The following GPR132 variants were observed in gnomAD, a reference collection of about 807,000 sequenced individuals.
GPR132 encodes the protein G protein-coupled receptor 132, also known as probable G protein-coupled receptor 132.
Under a neutral mutation model 1.9 loss-of-function variants are expected in GPR132, and 4 were observed. The observed-to-expected ratio is 2.13, with a 90% CI of 1.05 to 4.87. GPR132 has a LOEUF of 4.87. Ranked by LOEUF, GPR132 falls within the 30% of genes most tolerant of loss-of-function variation. GPR132 has a pLI of 0.01. For missense variants in GPR132, 404 were observed against 512.5 expected (o/e 0.79, Z 2.04); for synonymous variants, 233 against 234.2 (o/e 0.99, Z 0.05).
chr14:105,054,174 C>T lies in GPR132; in HGVS notation c.34+1213G>A, dbSNP rs148010697. 2.3e-5 allele frequency: 29 copies of T among 1,257,194 alleles called. No individual in the cohort carries two copies. The South Asian group carries it at 2.7e-4, about 12-fold the overall frequency. The allele number at this position is 1,257,194 out of a possible 1,614,324, so 77.9% of individuals were successfully genotyped here. ...AGACCTGGCCTCAGCACCTGACGGA[C>T]GGACAGAGCGTTGCCAAACTTATTG... On this transcript the variant is annotated intron_variant, in intron 3 of 3. Coordinates refer to ENST00000329797, the MANE Select transcript of GPR132 (RefSeq NM_013345.4).
intron 1 of GPR132, among the ~76,000 whole-genome samples, chr14:105,061,506 C>T (rs761918392): frequency 2.0e-5 from 3 of 152,194 alleles, no homozygotes; most frequent in African/African-American, 4.8e-5. Flanking sequence ...TGGCCCCACC[C>T]GCCAGCTGCA....
At position 105,057,150 on chromosome 14, in the gene GPR132, G is replaced by A. The variant is rs545057286; in HGVS notation, c.-747+17C>T. On this transcript the variant is annotated intron_variant, in intron 2 of 3. Coordinates refer to ENST00000329797, the MANE Select transcript of GPR132 (RefSeq NM_013345.4). Reference sequence around the variant, plus strand: ...GGCTTCCTCTTACATGTTCAAAGTCGGAGAAGGCTCTCTCACCTGGCATAT... The same window carrying A: ...GGCTTCCTCTTACATGTTCAAAGTCAGAGAAGGCTCTCTCACCTGGCATAT... The A allele has an allele frequency of 1.4e-5, 21 of 1,529,702 alleles. No individual in the cohort carries two copies. The highest frequency in any genetic ancestry group is 5.9e-5 in the Admixed American group (3 of 50,962). The allele number at this position is 1,529,702 out of a possible 1,614,324, so 94.8% of individuals were successfully genotyped here.
chr14:105,055,335 A>G lies in GPR132; in HGVS notation c.34+52T>C, dbSNP rs1243082077. 9 of 780,596 alleles carry G rather than the reference A, an allele frequency of 1.2e-5. No homozygotes were observed. Among genetic ancestry groups the G allele is most frequent in the East Asian group, 4.8e-5 (2 of 41,266 alleles). 48.4% of individuals were successfully genotyped at this position (780,596 alleles called of 1,614,324 possible). Reference sequence around the variant, plus strand: ...GAGTGAGACTCAATCGCAAGAAAAAAAAATTGAAAAAGTGGAAAATTGTGG... The same window carrying G: ...GAGTGAGACTCAATCGCAAGAAAAAGAAATTGAAAAAGTGGAAAATTGTGG... On this transcript the variant is annotated intron_variant, in intron 3 of 3. Transcript: ENST00000329797. The surrounding 1 kb of genome is among the most constrained non-coding windows in gnomAD (Gnocchi z 4.7).
Position 105,051,105 on chromosome 14 carries a change from G to A in GPR132, c.1032C>T (p.Thr344=), listed in dbSNP as rs778680528. The A allele has an allele frequency of 9.9e-6, 16 of 1,614,156 alleles. No individual in the cohort carries two copies. Among genetic ancestry groups the A allele is most frequent in the Admixed American group, 6.7e-5 (4 of 60,022 alleles). Residue 344 remains threonine (T), a synonymous_variant, in exon 4 of 4, where the codon ACC becomes ACT. Transcript: ENST00000329797. This position sits in a 1 kb window ranked among gnomAD's most constrained non-coding sequence, Gnocchi z 8.0. Reference sequence around the variant, plus strand: ...GGGCCACGGGCGACTGCAGCTCCTCGGTGTCCCTGCTGTGGGTGAGCCTGG... The same window carrying A: ...GGGCCACGGGCGACTGCAGCTCCTCAGTGTCCCTGCTGTGGGTGAGCCTGG... ...DVTRLTHSRD[T]EELQSPVALA...
chr14:105,058,959 G>C (rs527301152), intron 1 of GPR132, among the ~76,000 whole-genome samples: 7 of 152,342 alleles, frequency 4.6e-5, no homozygotes, highest in Admixed American at 4.6e-4. Context: ...GCTGTTTCCG[G>C]GCCCTGCAGT....
chr14:105,056,279 G>T lies in GPR132; in HGVS notation c.-746-113C>A, dbSNP rs903587581. On this transcript the variant is annotated intron_variant, in intron 2 of 3. Coordinates refer to ENST00000329797, the MANE Select transcript of GPR132 (RefSeq NM_013345.4). The surrounding 1 kb of genome is among the most constrained non-coding windows in gnomAD (Gnocchi z 6.0). ...GCGGGGGGCAGTGAAGGCAGTTCTC[G>T]GGTGGGAGGCCCAACGCCTGTGTTT... is the stretch of plus-strand genomic sequence containing the variant. 2.2e-6 allele frequency: 1 copy of T among 445,434 alleles called. No homozygotes were observed. The highest frequency in any genetic ancestry group is 3.0e-6 in the Non-Finnish European group (1 of 336,202). 27.6% of individuals were successfully genotyped at this position (445,434 alleles called of 1,614,324 possible). A position where few individuals can be genotyped will look rare whatever the true frequency, so the allele number is the denominator to read the frequency against.
chr14:105,053,985 G>T, intron 3 of GPR132: 1 of 1,248,382 alleles, frequency 8.0e-7, no homozygotes, highest in South Asian at 1.3e-5. Flanking sequence ...CCAGGGGGTT[G>T]CTAGAGGTCA....
chr14:105,064,395 G>T (rs185410167), intron 1 of GPR132, among the ~76,000 whole-genome samples: 1 of 151,420 alleles, frequency 6.6e-6, no homozygotes, highest in Admixed American at 6.6e-5. Flanking sequence ...GTGCAATGGC[G>T]CGATCTCGGC....
At position 105,056,997 on chromosome 14, in the gene GPR132, A is replaced by C. The variant is rs1248611419; in HGVS notation, c.-747+170T>G. On this transcript the variant is annotated intron_variant, in intron 2 of 3. Transcript: ENST00000329797. The surrounding 1 kb of genome is among the most constrained non-coding windows in gnomAD (Gnocchi z 6.0). ...AACTTCACGAAAGAATTATGAAATC[A>C]GTCCTTCATTTCTCCATGTAGCACC... 6.6e-6 allele frequency among the ~76,000 whole-genome samples: 1 copy of C among 152,226 alleles called. No homozygotes were observed. The highest frequency in any genetic ancestry group is 1.5e-5 in the Non-Finnish European group (1 of 68,028).
chr14:105,050,630 T>A lies in GPR132; in HGVS notation c.*364A>T, dbSNP rs1886607484. 7.1e-6 allele frequency: 2 copies of A among 282,570 alleles called. No individual in the cohort carries two copies. Among genetic ancestry groups the A allele is most frequent in the South Asian group, 1.2e-4 (2 of 16,506 alleles). The allele number at this position is 282,570 out of a possible 1,614,324, so 17.5% of individuals were successfully genotyped here. On this transcript the variant is annotated 3_prime_UTR_variant, in exon 4 of 4. Transcript: ENST00000329797. This position sits in a 1 kb window ranked among gnomAD's most constrained non-coding sequence, Gnocchi z 4.0. The stretch of plus-strand genomic sequence containing the variant: ...AACGCTTGCAGAAATGCTCCGCAAA[T>A]AAAGTCATCGCCACTGATGCGAACA...
intron 3 of GPR132, among the ~76,000 whole-genome samples, chr14:105,052,922 G>A (rs1417329043): frequency 6.7e-6 from 1 of 150,074 alleles, no homozygotes; most frequent in South Asian, 2.1e-4. Context: ...TCGTGCCGCT[G>A]TACTCCAGCC....
Position 105,059,334 on chromosome 14 carries a change from G to A in GPR132, c.-860-2054C>T, listed in dbSNP as rs943846394. 1.3e-5 allele frequency among the ~76,000 whole-genome samples: 2 copies of A among 152,174 alleles called. No homozygotes were observed. Among genetic ancestry groups the A allele is most frequent in the African/African-American group, 4.8e-5 (2 of 41,448 alleles). ...AGAACCCAGGGACACCCACACCAAG[G>A]GCTCTGGGCCAGCAGGTGGGGCTGC... On this transcript the variant is annotated intron_variant, in intron 1 of 3. Transcript: ENST00000329797. The surrounding 1 kb of genome is among the most constrained non-coding windows in gnomAD (Gnocchi z 4.2).
Position 105,056,032 on chromosome 14 carries a change from T to G in GPR132, c.-612A>C. 1.9e-6 allele frequency: 1 copy of G among 527,266 alleles called. No individual in the cohort carries two copies. The highest frequency in any genetic ancestry group is 2.4e-6 in the Non-Finnish European group (1 of 411,078). 32.7% of individuals were successfully genotyped at this position (527,266 alleles called of 1,614,324 possible). On this transcript the variant is annotated 5_prime_UTR_variant, in exon 3 of 4. Transcript: ENST00000329797. This position sits in a 1 kb window ranked among gnomAD's most constrained non-coding sequence, Gnocchi z 6.0. ...GTTCCGTCTCATCTCGTGGGGTGCCTCCGCGCTGTTCTCCACGGTGGTGGC... is the reference window on the plus strand; with the variant it reads ...GTTCCGTCTCATCTCGTGGGGTGCCGCCGCGCTGTTCTCCACGGTGGTGGC...
chr14:105,063,085 T>A (rs2140937206), intron 1 of GPR132, among the ~76,000 whole-genome samples: 1 of 152,204 alleles, frequency 6.6e-6, no homozygotes, highest in East Asian at 1.9e-4. Context: ...GCCCAGTTAA[T>A]TTTTGTACTT....
intron 1 of GPR132, among the ~76,000 whole-genome samples, chr14:105,061,591 C>T (rs1052124392): frequency 6.6e-6 from 1 of 152,140 alleles, no homozygotes; most frequent in Non-Finnish European, 1.5e-5. Flanking sequence ...AGCAGGTCAC[C>T]CACATTTCAG....
intron 3 of GPR132, among the ~76,000 whole-genome samples, chr14:105,054,580 G>A (rs1391136032): frequency 2.0e-5 from 3 of 151,216 alleles, no homozygotes; most frequent in Admixed American, 6.6e-5. Context: ...ACAGGCACTC[G>A]CCACCACGCC....
intron 1 of GPR132, among the ~76,000 whole-genome samples, chr14:105,063,461 G>C (rs916441248): frequency 6.7e-6 from 1 of 149,210 alleles, no homozygotes; most frequent in African/African-American, 2.5e-5. Flanking sequence ...TGCAACCTCT[G>C]CCTCCCGGGT....
chr14:105,056,898 C>A lies in GPR132; in HGVS notation c.-747+269G>T, dbSNP rs1195670903. On this transcript the variant is annotated intron_variant, in intron 2 of 3. Transcript: ENST00000329797. The surrounding 1 kb of genome is among the most constrained non-coding windows in gnomAD (Gnocchi z 6.0). ...GGCTCCCCTGGGACCTGTGGGACAG[C>A]CCCCTGACTCAGTACTGTGTCGCCC... 2.0e-5 allele frequency among the ~76,000 whole-genome samples: 3 copies of A among 152,232 alleles called. No homozygotes were observed. Among genetic ancestry groups the A allele is most frequent in the Admixed American group, 6.5e-5 (1 of 15,284 alleles).
At position 105,063,908 on chromosome 14, in the gene GPR132, C is replaced by T. The variant is rs60317283; in HGVS notation, c.-861+1471G>A. Reference sequence around the variant, plus strand: ...AGGCTGGAGTGCAATGGCACGATCTCGGCTCACCACAACCTCCACCTCCTG... The same window carrying T: ...AGGCTGGAGTGCAATGGCACGATCTTGGCTCACCACAACCTCCACCTCCTG... On this transcript the variant is annotated intron_variant, in intron 1 of 3. Coordinates refer to ENST00000329797, the MANE Select transcript of GPR132 (RefSeq NM_013345.4). Among the ~76,000 whole-genome samples, 223 of 151,682 alleles carry T rather than the reference C, an allele frequency of 1.5e-3. 6 individuals are homozygous for T. The East Asian group carries it at 0.027, about 18-fold the overall frequency.
Sources: gnomAD v4.1 joint callset for allele counts (sites outside exome capture counted in the v4.1 genomes callset) on GRCh38, gnomAD v4.1.1 for gene constraint, Gnocchi (gnomAD v3.1) non-coding constraint, MANE v1.5 for transcripts, NCBI Gene and HGNC (gene_info 2026-07-23, HGNC 2026-07-21) for gene names.